Variants in RBFOX1 observed in about 807,000 individuals in gnomAD.
RBFOX1 encodes RNA binding fox-1 homolog 1.
A neutral mutation model predicts 57.7 loss-of-function variants in RBFOX1; 8 were observed. The observed-to-expected ratio is 0.14, with a 90% CI of 0.08 to 0.25. The LOEUF (loss-of-function observed/expected upper bound fraction) is 0.25, where lower values mean the gene tolerates loss of function less well. Ranked by LOEUF, RBFOX1 falls within the 10% of genes least tolerant of loss-of-function variation. The pLI, the probability that RBFOX1 is intolerant of heterozygous loss-of-function variation, is 1.00. For missense variants in RBFOX1, 611 were observed against 548.5 expected, an observed-to-expected ratio of 1.11 and a Z score of -1.14; for synonymous variants, 326 against 222.4, an observed-to-expected ratio of 1.47 and a Z score of -4.15.
chr16:5,465,160 GA>G (rs1422340020), intron 1 of RBFOX1, among the ~76,000 whole-genome samples: 1 of 152,174 alleles, frequency 6.6e-6, no homozygotes, highest in African/African-American at 2.4e-5. Context: ...CTGGAGTCCA[GA>G]AGTCCAAGAT....
intron 1 of RBFOX1, among the ~76,000 whole-genome samples, chr16:6,234,377 T>C (rs2152912399): frequency 1.3e-5 from 2 of 152,340 alleles, no homozygotes; most frequent in South Asian, 4.1e-4. Context: ...GATTATTATC[T>C]TCCTTCCAAA....
intron 3 of RBFOX1, among the ~76,000 whole-genome samples, chr16:6,824,589 G>A (rs987622475): frequency 2.6e-5 from 4 of 152,138 alleles, no homozygotes; most frequent in Admixed American, 6.5e-5. Flanking sequence ...AAGTCTGTAA[G>A]TTAAAGGTGT....
At chr16:5,603,895 T>G (rs554285949), downstream of RBFOX1, among the ~76,000 whole-genome samples, 1 of 152,330 alleles carries the variant, frequency 6.6e-6, no homozygotes, top group South Asian at 2.1e-4. Context: ...ACCGCACTAT[T>G]ATTTTTTCTC....
At chr16:5,449,204 T>A (rs979349880) in intron 1 of RBFOX1, among the ~76,000 whole-genome samples, 4 of 152,104 alleles carry the variant, frequency 2.6e-5, no homozygotes, top group South Asian at 2.1e-4. Flanking sequence ...ATCAGAGCCC[T>A]GCAGTCCTGT....
chr16:6,827,579 T>A (rs1040027229), intron 3 of RBFOX1, among the ~76,000 whole-genome samples: 1 of 152,148 alleles, frequency 6.6e-6, no homozygotes, highest in African/African-American at 2.4e-5. Context: ...CTGAAATCCG[T>A]CTCAGAGGGC....
chr16:5,588,530 A>G (rs1046322666), intron 2 of RBFOX1, among the ~76,000 whole-genome samples: 1 of 152,078 alleles, frequency 6.6e-6, no homozygotes, highest in African/African-American at 2.4e-5. Context: ...CAGGCACTTC[A>G]TCTTCAGTGG....
chr16:6,314,087 A>C (rs1412592386), intron 1 of RBFOX1, among the ~76,000 whole-genome samples: 2 of 152,176 alleles, frequency 1.3e-5, no homozygotes, highest in Non-Finnish European at 2.9e-5. Flanking sequence ...GATGGACATG[A>C]AATTCAATGT....
chr16:5,808,977 A>G (rs567621620), intron 3 of RBFOX1, among the ~76,000 whole-genome samples: 1 of 152,236 alleles, frequency 6.6e-6, no homozygotes, highest in Admixed American at 6.5e-5. Flanking sequence ...GTGGTGAGAG[A>G]GGGCATCCCT....
chr16:7,102,565 G>A (rs1334579294), intron 4 of RBFOX1, among the ~76,000 whole-genome samples: 2 of 152,142 alleles, frequency 1.3e-5, no homozygotes, highest in Non-Finnish European at 2.9e-5. Flanking sequence ...CTTGGATATG[G>A]ATCATTTGCA....
intron 3 of RBFOX1, among the ~76,000 whole-genome samples, chr16:6,999,295 G>A (rs115224495): frequency 2.7e-5 from 4 of 147,422 alleles, no homozygotes; most frequent in Non-Finnish European, 4.5e-5. Context: ...GGGTTCAAGC[G>A]GTCCACCTGC....
intron 4 of RBFOX1, among the ~76,000 whole-genome samples, chr16:5,977,688 C>G (rs982782775): frequency 1.3e-5 from 2 of 152,008 alleles, no homozygotes; most frequent in South Asian, 4.2e-4. Context: ...GCTCAGTTGT[C>G]TGTTTTGAAC....
intron 4 of RBFOX1, among the ~76,000 whole-genome samples, chr16:7,366,597 G>C (rs11860439): frequency 0.13 from 20,001 of 151,966 alleles, 1,983 homozygotes; most frequent in African/African-American, 0.29. Context: ...ATATTTGTTG[G>C]AATGTATTTG....
intron 2 of RBFOX1, among the ~76,000 whole-genome samples, chr16:5,491,409 A>G (rs1043550783): frequency 6.6e-6 from 1 of 152,154 alleles, no homozygotes; most frequent in African/African-American, 2.4e-5. Flanking sequence ...ATTCTTTTCT[A>G]TCTGGCTTCC....
chr16:7,160,837 T>C lies in RBFOX1; in HGVS notation c.27+108739T>C, dbSNP rs9922725. ...TCCCTCCTCCCTCCTCCCTCCTCCT[T>C]CCTCCTCCTCCTCCTCCTCCTTCTT... On this transcript the variant is annotated intron_variant, in intron 4 of 15. Transcript: ENST00000550418. 3.9e-3 allele frequency among the ~76,000 whole-genome samples: 432 copies of C among 110,050 alleles called. 2 individuals are homozygous for C. Among genetic ancestry groups the C allele is most frequent in the African/African-American group, 0.024 (378 of 15,868 alleles). 72.2% of individuals were successfully genotyped at this position (110,050 alleles called of 152,430 possible). A position where few individuals can be genotyped will look rare whatever the true frequency, so the allele number is the denominator to read the frequency against.
chr16:7,700,552 C>T (rs543679513), intron 14 of RBFOX1, among the ~76,000 whole-genome samples: 4 of 152,058 alleles, frequency 2.6e-5, no homozygotes, highest in Non-Finnish European at 5.9e-5. Context: ...GCTGGGGTGC[C>T]ATGGTGATTT....
chr16:5,986,135 G>T (rs1243935420), intron 4 of RBFOX1, among the ~76,000 whole-genome samples: 1 of 151,064 alleles, frequency 6.6e-6, no homozygotes, highest in Non-Finnish European at 1.5e-5. Flanking sequence ...AATCTTGGCA[G>T]ATCTTGCAAC....
intron 4 of RBFOX1, among the ~76,000 whole-genome samples, chr16:5,893,666 C>T (rs570545358): frequency 1.3e-5 from 2 of 152,094 alleles, no homozygotes; most frequent in South Asian, 2.1e-4. Flanking sequence ...ATTAGCTGGG[C>T]GTGGTGGTGG....
At chr16:6,739,505 G>C (rs1048729909) in intron 3 of RBFOX1, among the ~76,000 whole-genome samples, 1 of 121,936 alleles carries the variant, frequency 8.2e-6, no homozygotes, top group African/African-American at 3.2e-5. Flanking sequence ...GGGAATCTCC[G>C]GTCTAAATGG....
intron 3 of RBFOX1, among the ~76,000 whole-genome samples, chr16:6,920,034 A>G (rs1239160174): frequency 5.9e-5 from 9 of 151,970 alleles, no homozygotes; most frequent in African/African-American, 9.7e-5. Context: ...AAAATATGAT[A>G]TTTGTTTTTC....
Sources: gnomAD v4.1 joint callset for allele counts (sites outside exome capture counted in the v4.1 genomes callset) on GRCh38, gnomAD v4.1.1 for gene constraint, MANE v1.5 for transcripts, NCBI Gene and HGNC (gene_info 2026-07-23, HGNC 2026-07-21) for gene names.